Variants in WDPCP observed in about 807,000 individuals in gnomAD.
WDPCP encodes WD repeat-containing and planar cell polarity effector protein fritz homolog.
WDPCP carries 71 observed loss-of-function variants against 93.1 expected under a neutral mutation model. The observed-to-expected ratio is 0.76, with a 90% CI of 0.63 to 0.93. WDPCP has a LOEUF of 0.93. Ranked by LOEUF, WDPCP falls within the 40% of genes least tolerant of loss-of-function variation. The pLI is 0.00. For missense variants in WDPCP, 844 were observed against 887.4 expected (o/e 0.95, Z 0.62); for synonymous variants, 315 against 315.0 (o/e 1.00, Z 0.00).
chr2:63,139,172 C>T (rs201717561), intron 17 of WDPCP, among the ~76,000 whole-genome samples: 3 of 26,334 alleles, frequency 1.1e-4, no homozygotes, highest in South Asian at 1.1e-3. Flanking sequence ...TATGTGTATA[C>T]ACACACACAC....
intron 17 of WDPCP, among the ~76,000 whole-genome samples, chr2:63,142,702 G>C (rs1671164933): frequency 6.6e-6 from 1 of 151,966 alleles, no homozygotes; most frequent in Admixed American, 6.6e-5. Flanking sequence ...TTGATGTCCT[G>C]TCTAGTGCTG....
chr2:63,804,897 G>A (rs955976323), intron 2 of WDPCP, among the ~76,000 whole-genome samples: 2 of 151,826 alleles, frequency 1.3e-5, no homozygotes, highest in Non-Finnish European at 1.5e-5. Context: ...GCTTGGTGGT[G>A]GGTGCCTGTA....
At chr2:63,361,063 A>G (rs967012296) in intron 12 of WDPCP, among the ~76,000 whole-genome samples, 11 of 152,248 alleles carry the variant, frequency 7.2e-5, no homozygotes, top group African/African-American at 2.4e-4. Context: ...AGATCTTAGT[A>G]GAGTGTTTTC....
intron 10 of WDPCP, among the ~76,000 whole-genome samples, chr2:63,382,658 TATC>T (rs924366365): frequency 1.8e-4 from 27 of 152,058 alleles, no homozygotes; most frequent in African/African-American, 1.4e-4. Flanking sequence ...TTTTTATTAC[TATC>T]ATCATCATCA....
At chr2:63,133,322 A>T (rs945838986) in intron 17 of WDPCP, among the ~76,000 whole-genome samples, 6 of 152,174 alleles carry the variant, frequency 3.9e-5, no homozygotes, top group Admixed American at 6.5e-5. Flanking sequence ...GATTAAGGCC[A>T]TGCTTGTCTC....
At chr2:63,278,320 C>G (rs1683236420) in intron 13 of WDPCP, among the ~76,000 whole-genome samples, 1 of 151,940 alleles carries the variant, frequency 6.6e-6, no homozygotes, top group Non-Finnish European at 1.5e-5. Context: ...TGAAAGAGCA[C>G]AAAGAGACAA....
At chr2:63,424,290 G>C (rs1696091299) in intron 9 of WDPCP, among the ~76,000 whole-genome samples, 1 of 151,826 alleles carries the variant, frequency 6.6e-6, no homozygotes, top group African/African-American at 2.4e-5. Flanking sequence ...GTCAGCCCTT[G>C]TAAGTGGGGC....
Position 63,202,189 on chromosome 2 carries a change from G to C in WDPCP, c.1916-27357C>G, listed in dbSNP as rs181190156. Among the ~76,000 whole-genome samples the C allele has an allele frequency of 2.2e-3, 331 of 151,442 alleles. 4 individuals carry two copies. Among genetic ancestry groups the C allele is most frequent in the African/African-American group, 7.5e-3 (310 of 41,362 alleles). The stretch of plus-strand genomic sequence containing the variant: ...TTATATATATATAGGATTTTCTTTA[G>C]TTTTATTTTCAAGAAATTCTGCAGT... On this transcript the variant is annotated intron_variant, in intron 14 of 17. Transcript: ENST00000272321.
chr2:63,465,313 G>T (rs2034270), intron 6 of WDPCP, among the ~76,000 whole-genome samples: 33,005 of 151,910 alleles, frequency 0.22, 4,808 homozygotes, highest in East Asian at 0.66. Flanking sequence ...CTTCCCCAAA[G>T]TCACACAGCT....
At chr2:63,348,741 C>T (rs1187551524) in intron 12 of WDPCP, among the ~76,000 whole-genome samples, 1 of 151,984 alleles carries the variant, frequency 6.6e-6, no homozygotes, top group Non-Finnish European at 1.5e-5. Flanking sequence ...AAATAGAAAA[C>T]TCCAAATTAA....
intron 2 of WDPCP, among the ~76,000 whole-genome samples, chr2:63,757,931 T>G (rs1669993474): frequency 6.6e-6 from 1 of 152,186 alleles, no homozygotes; most frequent in Non-Finnish European, 1.5e-5. Flanking sequence ...AAATAAATAT[T>G]TATTGTGATC....
chr2:63,160,149 CCTAGGATTTTTAG>C (rs985122442), intron 15 of WDPCP, among the ~76,000 whole-genome samples: 1 of 152,076 alleles, frequency 6.6e-6, no homozygotes, highest in Non-Finnish European at 1.5e-5. Flanking sequence ...ATATATTCTA[CCTAGGATTTTTAG>C]CTGCATTCAA....
intron 17 of WDPCP, among the ~76,000 whole-genome samples, chr2:63,152,052 A>C (rs978898887): frequency 2.0e-5 from 3 of 152,178 alleles, no homozygotes; most frequent in African/African-American, 4.8e-5. Context: ...GAGAGGGAGA[A>C]GGGTTCAGAA....
At chr2:63,557,416 G>T (rs373897665) in intron 1 of WDPCP, among the ~76,000 whole-genome samples, 1 of 151,966 alleles carries the variant, frequency 6.6e-6, no homozygotes, top group Non-Finnish European at 1.5e-5. Flanking sequence ...ACAAAGAAGG[G>T]GCATTACATA....
chr2:63,171,591 A>T (rs990949423), intron 15 of WDPCP, among the ~76,000 whole-genome samples: 14 of 152,214 alleles, frequency 9.2e-5, no homozygotes, highest in African/African-American at 3.4e-4. Flanking sequence ...TGGGTATGTA[A>T]AATGTTACAG....
At chr2:63,411,304 A>G (rs1416257428) in intron 9 of WDPCP, among the ~76,000 whole-genome samples, 1 of 152,202 alleles carries the variant, frequency 6.6e-6, no homozygotes, top group East Asian at 1.9e-4. Flanking sequence ...AAACAAAGTC[A>G]AGATGGAAAT....
rs1288682629 is a variant in WDPCP, at chr2:63,492,862, T to G, written c.154A>C (p.Ile52Leu). ...TAATCCAGAGCTCATTTACCCGCAATGTGTAAGGTATTCTTCAAAGACCAC... is the reference window on the plus strand; with the variant it reads ...TAATCCAGAGCTCATTTACCCGCAAGGTGTAAGGTATTCTTCAAAGACCAC... ...HLWSLKNTLHIADRDIGIYQY... is the reference protein window; with the variant it reads ...HLWSLKNTLHLADRDIGIYQY... Residue 52 changes from isoleucine (I) to leucine (L), a missense_variant, in exon 2 of 18, where the codon ATT (isoleucine) becomes CTT (leucine). By Grantham distance (5) the Ile-to-Leu change is conservative (BLOSUM62 2). Coordinates refer to ENST00000272321, the MANE Select transcript of WDPCP (RefSeq NM_015910.7). 1 of 1,613,430 alleles carries G rather than the reference T, an allele frequency of 6.2e-7. No individual in the cohort carries two copies. The highest frequency in any genetic ancestry group is 2.2e-5 in the East Asian group (1 of 44,810).
At chr2:63,325,086 G>A (rs1558471120) in intron 12 of WDPCP, among the ~76,000 whole-genome samples, 1 of 152,122 alleles carries the variant, frequency 6.6e-6, no homozygotes. Flanking sequence ...TATTAAACCT[G>A]GCAACCTCGG....
chr2:63,253,174 A>G (rs1680882087), intron 14 of WDPCP, among the ~76,000 whole-genome samples: 2 of 152,152 alleles, frequency 1.3e-5, no homozygotes, highest in African/African-American at 2.4e-5. Flanking sequence ...CTCCCTATCC[A>G]ATAAATGGTT....
Sources: gnomAD v4.1 joint callset for allele counts (sites outside exome capture counted in the v4.1 genomes callset) on GRCh38, gnomAD v4.1.1 for gene constraint, MANE v1.5 for transcripts, NCBI Gene and HGNC (gene_info 2026-07-23, HGNC 2026-07-21) for gene names.